Variants in NOP56 observed in about 807,000 individuals in gnomAD.
The protein encoded by NOP56 is nucleolar protein 56.
Under a neutral mutation model 58.3 loss-of-function variants are expected in NOP56, and 31 were observed. The ratio of observed to expected loss-of-function variants is 0.53; its 90% CI spans 0.40 to 0.72. The LOEUF (loss-of-function observed/expected upper bound fraction) is 0.72. NOP56 is among the 30% of genes least tolerant of loss of function. The probability of loss-of-function intolerance (pLI) is 0.00; values close to 1 mark genes in which losing one functional copy is unlikely to be tolerated. For missense variants in NOP56, 669 were observed against 739.9 expected (o/e 0.90, Z 1.11); for synonymous variants, 313 against 282.8 (o/e 1.11, Z -1.07).
intron 11 of NOP56, chr20:2,657,651 C>T: frequency 1.9e-6 from 1 of 514,938 alleles, no homozygotes; most frequent in African/African-American, 1.9e-5. Context: ...TTTCAGGGCC[C>T]TGTCTGGAAC....
At position 2,656,389 on chromosome 20, in the gene NOP56, A is replaced by G; in HGVS notation, c.1011-12A>G. On this transcript the variant is annotated splice_polypyrimidine_tract_variant and intron_variant, in intron 8 of 11. Coordinates refer to ENST00000329276, the MANE Select transcript of NOP56 (RefSeq NM_006392.4). ...TTTCTGATCTTAAACTCTCCACTGA[A>G]TATTCTCTCAGAGCCCTGAAGACAA... is the stretch of plus-strand genomic sequence containing the variant. 1 of 1,614,022 alleles carries G rather than the reference A, an allele frequency of 6.2e-7. No homozygotes were observed. The highest frequency in any genetic ancestry group is 8.5e-7 in the Non-Finnish European group (1 of 1,179,994).
chr20:2,657,851 C>G (rs2086847438), intron 11 of NOP56, 78 bp from the exon 12 acceptor site: 1 of 1,462,120 alleles, frequency 6.8e-7, no homozygotes, highest in Non-Finnish European at 9.2e-7. Flanking sequence ...GACACGCGTT[C>G]CCCTGCCTTG....
chr20:2,657,278 C>A (rs999847958), intron 11 of NOP56, 60 bp downstream of exon 11: 5 of 1,609,128 alleles, frequency 3.1e-6, no homozygotes, highest in South Asian at 1.1e-5. Context: ...AACAGCAGAA[C>A]AAAGGATATG....
chr20:2,655,315 C>G lies in NOP56; in HGVS notation c.570-10C>G. On this transcript the variant is annotated splice_polypyrimidine_tract_variant and intron_variant, in intron 5 of 11. Transcript: ENST00000329276. The stretch of plus-strand genomic sequence containing the variant: ...CAGCTGGGCCAGGGAGTGACTGTGG[C>G]TCTTTGCAGGGAGTGGTACGGGTAT... The G allele has an allele frequency of 6.2e-7, 1 of 1,614,184 alleles. No individual in the cohort carries two copies. The highest frequency in any genetic ancestry group is 8.5e-7 in the Non-Finnish European group (1 of 1,180,024).
intron 11 of NOP56, chr20:2,657,701 T>C (rs2086844661): frequency 1.8e-6 from 1 of 562,390 alleles, no homozygotes; most frequent in Non-Finnish European, 3.1e-6. Flanking sequence ...TGGTGGGTGT[T>C]TTTTAGGTTT....
chr20:2,658,353 C>T lies in NOP56; in HGVS notation c.*59C>T. On this transcript the variant is annotated 3_prime_UTR_variant, in exon 12 of 12. Transcript: ENST00000329276. ...TACCATAGCCCAAGGTGACATTTCCCACCCTGTGCCGTGTTCCCCAATAAA... is the reference window on the plus strand; with the variant it reads ...TACCATAGCCCAAGGTGACATTTCCTACCCTGTGCCGTGTTCCCCAATAAA... The T allele has an allele frequency of 1.9e-6, 3 of 1,605,700 alleles. No homozygotes were observed. The highest frequency in any genetic ancestry group is 1.1e-5 in the South Asian group (1 of 89,436).
chr20:2,656,093 G>A, intron 8 of NOP56, 59 bp downstream of exon 8: 1 of 1,613,674 alleles, frequency 6.2e-7, no homozygotes, highest in Non-Finnish European at 8.5e-7. Flanking sequence ...ACTGCTTGTT[G>A]GGGGATCACG....
intron 11 of NOP56, 26 bp downstream of exon 11, chr20:2,657,244 G>C (rs751213702): frequency 6.2e-7 from 1 of 1,613,858 alleles, no homozygotes; most frequent in Non-Finnish European, 8.5e-7. Flanking sequence ...GGCCCTGGCA[G>C]AGATCCTAGG....
In NOP56 at chr20:2,658,220, G is replaced by A; in HGVS notation, c.1711G>A (p.Gly571Arg). The A allele has an allele frequency of 6.2e-7, 1 of 1,604,448 alleles. No homozygotes were observed. The highest frequency in any genetic ancestry group is 8.5e-7 in the Non-Finnish European group (1 of 1,175,320). The change falls in exon 12 of 12, where the codon GGG becomes AGG. Residue 571 changes from glycine (G) to arginine (R), a missense_variant. Physicochemically the swap from Gly to Arg is moderately radical, Grantham distance 125 (BLOSUM62 -2). Coordinates refer to ENST00000329276, the MANE Select transcript of NOP56 (RefSeq NM_006392.4). Reference sequence around the variant, plus strand: ...CTCCAAAGAGGAGCCGGTCAGCAGTGGGCCTGAAGAGGCGGTTGGCAAGAG... The same window carrying A: ...CTCCAAAGAGGAGCCGGTCAGCAGTAGGCCTGAAGAGGCGGTTGGCAAGAG... The part of the protein sequence containing the change: ...KFSKEEPVSS[G>R]PEEAVGKSSS...
rs1362464282 is a variant in NOP56, at chr20:2,655,906, C to CT, written c.910-27dup. The CT allele has an allele frequency of 2.5e-6, 4 of 1,613,882 alleles. No homozygotes were observed. In the African/African-American group the frequency reaches 4.0e-5, roughly 16 times the overall value. ...CTGGGCAGGTCAGCAGTTCATTTCT[C>CT]TGACTGCTTCCTTGACTCTCTCTCC... On this transcript the variant is annotated intron_variant, in intron 7 of 11. Transcript: ENST00000329276.
intron 11 of NOP56, chr20:2,657,709 T>G: frequency 3.0e-6 from 1 of 333,960 alleles, no homozygotes. Flanking sequence ...GTTTTTTAGG[T>G]TTTTTTTTTT....
chr20:2,656,792 T>C lies in NOP56; in HGVS notation c.1178T>C (p.Phe393Ser). ...CATCCAGAGGTGCCCACGAGTGTATTCGGGGAGAAGCTTCGAGAACAAGTT... is the reference window on the plus strand; with the variant it reads ...CATCCAGAGGTGCCCACGAGTGTATCCGGGGAGAAGCTTCGAGAACAAGTT... ...DCFSEVPTSV[F>S]GEKLREQVEE... The change falls in exon 10 of 12, where the codon TTC becomes TCC. Residue 393 changes from phenylalanine (F) to serine (S), a missense_variant. Physicochemically the swap from Phe to Ser is radical, Grantham distance 155. Transcript: ENST00000329276. 6.2e-7 allele frequency: 1 copy of C among 1,614,114 alleles called. No individual in the cohort carries two copies. The highest frequency in any genetic ancestry group is 1.1e-5 in the South Asian group (1 of 91,072).
intron 11 of NOP56, 159 bp downstream of exon 11, chr20:2,657,377 G>GAGATAGGTGCT: frequency 9.3e-7 from 1 of 1,080,134 alleles, no homozygotes. Context: ...CTATAGGAAG[G>GAGATAGGTGCT]AGATAGGTGC....
chr20:2,653,037 G>A, intron 2 of NOP56, 106 bp downstream of exon 2: 1 of 1,052,638 alleles, frequency 9.5e-7, no homozygotes, highest in Non-Finnish European at 1.4e-6. Flanking sequence ...GTTCGGGGCG[G>A]GGGGACGGGC....
rs2146296609 is a variant in NOP56 at position 2,656,233 on chromosome 20, C to T, written c.1011-168C>T. ...TTTCCAGGTCAGCGACATTGGATGC[C>T]TTCCCTCTGCCTCTGGGAGCTATGG... On this transcript the variant is annotated intron_variant, in intron 8 of 11. Coordinates refer to ENST00000329276, the MANE Select transcript of NOP56 (RefSeq NM_006392.4). 2.5e-6 allele frequency: 4 copies of T among 1,604,666 alleles called. No individual in the cohort carries two copies. In the South Asian group the frequency reaches 3.3e-5, roughly 13 times the overall value.
chr20:2,652,881 G>A lies in NOP56; in HGVS notation c.43G>A (p.Ala15Thr). 1 of 1,610,974 alleles carries A rather than the reference G, an allele frequency of 6.2e-7. No homozygotes were observed. The highest frequency in any genetic ancestry group is 8.5e-7 in the Non-Finnish European group (1 of 1,178,978). ...HVLFEHAVGY[A>T]LLALKEVEEI... ...GCTGTTTGAGCACGCGGTCGGCTAC[G>A]CGCTGCTGGCGCTGAAGGAAGTGGA... Residue 15 changes from alanine to threonine, a missense_variant, in exon 2 of 12, where the codon GCG (alanine) becomes ACG (threonine). Physicochemically the swap from Ala to Thr is moderately conservative, Grantham distance 58. This residue lies in a region of NOP56 where 121 missense variants were observed against 113.1 expected (regional missense o/e 1.07). Transcript: ENST00000329276.
intron 1 of NOP56, 67 bp from the exon 2 acceptor site, chr20:2,652,775 G>T (rs369912936): frequency 2.6e-6 from 4 of 1,560,840 alleles, no homozygotes; most frequent in South Asian, 1.2e-5. Context: ...GCCTGCGCCT[G>T]CCCTGGGAAC....
intron 4 of NOP56, 32 bp downstream of exon 4, chr20:2,654,607 C>T: frequency 6.2e-7 from 1 of 1,611,408 alleles, no homozygotes; most frequent in South Asian, 1.1e-5. Flanking sequence ...TTCCTGTTAT[C>T]CTGGACATTT....
chr20:2,654,865 C>G lies in NOP56; in HGVS notation c.487C>G (p.Arg163Gly). Residue 163 changes from arginine to glycine, a missense_variant, in exon 5 of 12, where the codon CGG becomes GGG. By Grantham distance (125) the Arg-to-Gly change is moderately radical. This residue lies in a region of NOP56 where 339 missense variants were observed against 430.5 expected (regional missense o/e 0.79). Transcript: ENST00000329276. ...TGCCAAAGTTAAGTTTAATGTGAAC[C>G]GGGTGGACAATATGATCATCCAGTC... is the stretch of plus-strand genomic sequence containing the variant. ...SRAKVKFNVN[R>G]VDNMIIQSIS... is the part of the protein sequence containing the mutation. 6.2e-7 allele frequency: 1 copy of G among 1,614,176 alleles called. No individual in the cohort carries two copies. The highest frequency in any genetic ancestry group is 8.5e-7 in the Non-Finnish European group (1 of 1,180,042).
Sources: gnomAD v4.1 joint callset for allele counts on GRCh38, gnomAD v4.1.1 for gene constraint, gnomAD v4.1.1 regional missense constraint, MANE v1.5 for transcripts, NCBI Gene and HGNC (gene_info 2026-07-23, HGNC 2026-07-21) for gene names.